Variants in LDLRAD4 observed in about 807,000 individuals in gnomAD.
LDLRAD4 encodes low-density lipoprotein receptor class A domain-containing protein 4.
In LDLRAD4, 5 loss-of-function variants were observed where a neutral mutation model predicts 17.0. The observed-to-expected ratio is 0.29, with a 90% CI of 0.15 to 0.62. The LOEUF is 0.62. Among genes scored for constraint, LDLRAD4 ranks in the 20% least tolerant of loss-of-function variants. The pLI, the probability that LDLRAD4 is intolerant of heterozygous loss-of-function variation, is 0.84. For synonymous variants in LDLRAD4, 168 were observed against 171.8 expected (o/e 0.98, Z 0.17); for missense variants, 340 against 424.7 (o/e 0.80, Z 1.75).
At chr18:13,435,544 A>G (rs1261659900) in intron 2 of LDLRAD4, among the ~76,000 whole-genome samples, 1 of 152,206 alleles carries the variant, frequency 6.6e-6, no homozygotes, top group African/African-American at 2.4e-5. Flanking sequence ...ACTTCTGGGC[A>G]CAAACGATCC....
intron 4 of LDLRAD4, among the ~76,000 whole-genome samples, chr18:13,639,250 G>C (rs1288710941): frequency 6.6e-6 from 1 of 152,204 alleles, no homozygotes; most frequent in Non-Finnish European, 1.5e-5. Flanking sequence ...GCTGTGTAGT[G>C]AGCCCCCTTC....
chr18:13,221,904 A>G (rs995162403), intron 1 of LDLRAD4, among the ~76,000 whole-genome samples: 2 of 152,228 alleles, frequency 1.3e-5, no homozygotes, highest in Non-Finnish European at 2.9e-5. Context: ...CCGGACAAAA[A>G]TAATGCTGCA....
chr18:13,222,779 C>G (rs2041534183), intron 1 of LDLRAD4, among the ~76,000 whole-genome samples: 1 of 152,204 alleles, frequency 6.6e-6, no homozygotes, highest in South Asian at 2.1e-4. Flanking sequence ...CTGCCCTGGC[C>G]CCACCTCTGG....
intron 3 of LDLRAD4, among the ~76,000 whole-genome samples, chr18:13,531,297 C>T (rs896629053): frequency 3.3e-5 from 5 of 152,110 alleles, no homozygotes; most frequent in African/African-American, 9.7e-5. Context: ...ATCAGTCTTA[C>T]GGCTTAATAA....
chr18:13,362,256 G>T (rs1054893495), intron 1 of LDLRAD4: 1 of 152,244 alleles, frequency 6.6e-6, no homozygotes, highest in African/African-American at 2.4e-5. Context: ...TGTCAGTGTG[G>T]ACTGAAACCT....
intron 1 of LDLRAD4, among the ~76,000 whole-genome samples, chr18:13,342,459 G>T: frequency 7.3e-6 from 1 of 136,680 alleles, no homozygotes; most frequent in East Asian, 2.0e-4. Flanking sequence ...TCAGTCTGTG[G>T]TTCCTGGGCC....
intron 1 of LDLRAD4, chr18:13,279,321 A>G (rs1032725390): frequency 5.3e-5 from 8 of 152,224 alleles, no homozygotes; most frequent in African/African-American, 1.7e-4. Context: ...GTGGGTGTGG[A>G]GGAGCTGTTT....
At chr18:13,637,663 C>T (rs890115067) in intron 4 of LDLRAD4, among the ~76,000 whole-genome samples, 40 of 151,718 alleles carry the variant, frequency 2.6e-4, no homozygotes, top group Admixed American at 5.2e-4. Flanking sequence ...GTCAGGAGTT[C>T]GAGACAAACC....
At chr18:13,404,243 T>TG (rs2087506123) in intron 2 of LDLRAD4, among the ~76,000 whole-genome samples, 1 of 152,186 alleles carries the variant, frequency 6.6e-6, no homozygotes, top group Non-Finnish European at 1.5e-5. Context: ...CCCCTTCCCC[T>TG]GGGGGGCATC....
chr18:13,287,325 G>A (rs1353885226), intron 1 of LDLRAD4, among the ~76,000 whole-genome samples: 1 of 152,160 alleles, frequency 6.6e-6, no homozygotes, highest in African/African-American at 2.4e-5. Context: ...GATCTGTTCT[G>A]TTATCAAGTT....
At chr18:13,339,592 G>A (rs1237252721) in intron 1 of LDLRAD4, among the ~76,000 whole-genome samples, 3 of 151,714 alleles carry the variant, frequency 2.0e-5, no homozygotes, top group South Asian at 2.1e-4. Context: ...GCCAGAAAAG[G>A]TACAGTGTAA....
rs201708526 is a variant in LDLRAD4 at position 13,629,777 on chromosome 18, GA to G, written c.336+8517del. ...CTTGAAAGTTGGTGTGGTTTGTTCTGAAAAAAAAAAAGAGAAGAAGATTAAA... is the reference window on the plus strand; with the variant it reads ...CTTGAAAGTTGGTGTGGTTTGTTCTGAAAAAAAAAAGAGAAGAAGATTAAA... On this transcript the variant is annotated intron_variant, in intron 4 of 5. Transcript: ENST00000359446. Among the ~76,000 whole-genome samples, 119 of 144,082 alleles carry G rather than the reference GA, an allele frequency of 8.3e-4. 1 individual carries two copies. Among genetic ancestry groups the G allele is most frequent in the Admixed American group, 3.3e-3 (48 of 14,456 alleles). The allele number at this position is 144,082 out of a possible 152,430, so 94.5% of individuals were successfully genotyped here.
chr18:13,262,983 T>C (rs1377221130), intron 1 of LDLRAD4, among the ~76,000 whole-genome samples: 64 of 20,580 alleles, frequency 3.1e-3, no homozygotes, highest in African/African-American at 0.013. Flanking sequence ...TTTGTGGGGG[T>C]TGAGTCCCGT....
intron 3 of LDLRAD4, among the ~76,000 whole-genome samples, chr18:13,564,367 T>C (rs1046926725): frequency 6.7e-6 from 1 of 150,228 alleles, no homozygotes; most frequent in Non-Finnish European, 1.5e-5. Flanking sequence ...ATTGCACATC[T>C]CTGGCAATTT....
At chr18:13,608,224 C>T (rs2095243417) in intron 3 of LDLRAD4, among the ~76,000 whole-genome samples, 1 of 151,862 alleles carries the variant, frequency 6.6e-6, no homozygotes, top group Admixed American at 6.5e-5. Context: ...CAATGAGATA[C>T]CATCTCACGC....
At chr18:13,319,571 T>G (rs1191391196) in intron 1 of LDLRAD4, among the ~76,000 whole-genome samples, 1 of 152,196 alleles carries the variant, frequency 6.6e-6, no homozygotes, top group African/African-American at 2.4e-5. Flanking sequence ...ACTAGATGAC[T>G]CTCTCATTTT....
In LDLRAD4 at chr18:13,230,689, C is replaced by T. The variant is rs1040100166; in HGVS notation, c.-467+11701C>T. On this transcript the variant is annotated intron_variant, in intron 1 of 5. Transcript: ENST00000399848. ...GGGGGAAGAGGTGGGAGGGTGTCTG[C>T]GAGTGTCATGGGTAGATGCTACTGC... is the stretch of plus-strand genomic sequence containing the variant. 3.3e-5 allele frequency among the ~76,000 whole-genome samples: 5 copies of T among 152,140 alleles called. No individual in the cohort carries two copies. In the South Asian group the frequency reaches 6.2e-4, roughly 19 times the overall value.
At chr18:13,592,391 C>T (rs1036868284) in intron 3 of LDLRAD4, among the ~76,000 whole-genome samples, 3 of 152,184 alleles carry the variant, frequency 2.0e-5, no homozygotes, top group Non-Finnish European at 4.4e-5. Flanking sequence ...TCTGCTAAGT[C>T]GACTGTCCTA....
Position 13,610,265 on chromosome 18 carries a change from A to ATTTTTTTTTTTTTT in LDLRAD4, c.182-10825_182-10812dup, listed in dbSNP as rs1157718015. ...TTCCATGAAGTTCACCAAAGCCCTA[A>ATTTTTTTTTTTTTT]TTTTTTTTTTTTTTTTTTTTTTTTT... On this transcript the variant is annotated intron_variant, in intron 3 of 5. Coordinates refer to ENST00000359446, the Ensembl canonical transcript of LDLRAD4. Among the ~76,000 whole-genome samples the ATTTTTTTTTTTTTT allele has an allele frequency of 1.9e-4, 12 of 62,512 alleles. 3 individuals carry two copies. Among genetic ancestry groups the ATTTTTTTTTTTTTT allele is most frequent in the Non-Finnish European group, 4.0e-4 (12 of 29,692 alleles). The allele number at this position is 62,512 out of a possible 152,430, so 41.0% of individuals were successfully genotyped here. A position where few individuals can be genotyped will look rare whatever the true frequency, so the allele number is the denominator to read the frequency against.
Sources: allele counts gnomAD v4.1 joint callset (sites outside exome capture counted in the v4.1 genomes callset), GRCh38; gene constraint gnomAD v4.1.1; transcripts MANE v1.5; gene names NCBI Gene and HGNC (gene_info 2026-07-23, HGNC 2026-07-21).